The following CAMK1D variants were observed in gnomAD, a reference collection of about 807,000 sequenced individuals.
CAMK1D encodes the protein calcium/calmodulin-dependent protein kinase type 1D.
A neutral mutation model predicts 47.7 loss-of-function variants in CAMK1D; 9 were observed. The observed-to-expected ratio is 0.19, with a 90% CI of 0.11 to 0.33. The LOEUF (loss-of-function observed/expected upper bound fraction) is 0.33. CAMK1D is among the 10% of genes least tolerant of loss of function. The probability of loss-of-function intolerance (pLI) is 1.00; values close to 1 mark genes in which losing one functional copy is unlikely to be tolerated. For missense variants in CAMK1D, 291 were observed against 488.7 expected, an observed-to-expected ratio of 0.60 and a Z score of 3.81; for synonymous variants, 184 against 184.9, an observed-to-expected ratio of 0.99 and a Z score of 0.04.
At chr10:12,746,384 G>A (rs1835682816) in intron 3 of CAMK1D, among the ~76,000 whole-genome samples, 1 of 145,256 alleles carries the variant, frequency 6.9e-6, no homozygotes, top group African/African-American at 2.7e-5. Context: ...AAAAAAGTTA[G>A]TGAATCTCAA....
chr10:12,469,536 A>G (rs542352077), intron 1 of CAMK1D, among the ~76,000 whole-genome samples: 2 of 152,068 alleles, frequency 1.3e-5, no homozygotes, highest in South Asian at 2.1e-4. Context: ...CAAATAAACA[A>G]CCCACCTTCC....
chr10:12,470,634 A>G (rs1833718183), intron 1 of CAMK1D, among the ~76,000 whole-genome samples: 1 of 151,462 alleles, frequency 6.6e-6, no homozygotes, highest in African/African-American at 2.4e-5. Flanking sequence ...CTGCTGCCTC[A>G]GCCTCCCGAG....
At chr10:12,669,029 C>T (rs1290217883) in intron 3 of CAMK1D, among the ~76,000 whole-genome samples, 9 of 152,218 alleles carry the variant, frequency 5.9e-5, no homozygotes, top group Non-Finnish European at 1.3e-4. Context: ...GTCAGGAGTT[C>T]GAGACCAGCC....
In CAMK1D at chr10:12,386,472, C is replaced by CA. The variant is rs201680749; in HGVS notation, c.92+36576dup. Among the ~76,000 whole-genome samples, 302 of 126,226 alleles carry CA rather than the reference C, an allele frequency of 2.4e-3. 1 individual carries two copies. Among genetic ancestry groups the CA allele is most frequent in the East Asian group, 8.0e-3 (35 of 4,388 alleles). 82.8% of individuals were successfully genotyped at this position (126,226 alleles called of 152,430 possible). A position where few individuals can be genotyped will look rare whatever the true frequency, so the allele number is the denominator to read the frequency against. On this transcript the variant is annotated intron_variant, in intron 1 of 10. Coordinates refer to ENST00000619168, the MANE Select transcript of CAMK1D (RefSeq NM_153498.4). ...AAAAACAAAACCAAAAACCCTGTCT[C>CA]AAAAAAAAAAAAAATGAAACTGCTA... is the stretch of plus-strand genomic sequence containing the variant.
chr10:12,418,451 T>C (rs2801481), intron 1 of CAMK1D, among the ~76,000 whole-genome samples: 3,109 of 152,100 alleles, frequency 0.02, 112 homozygotes, highest in African/African-American at 0.071. Context: ...ACAAAAAATT[T>C]TAAAGAATTA....
chr10:12,539,880 C>T (rs558831870), intron 1 of CAMK1D, among the ~76,000 whole-genome samples: 1 of 152,190 alleles, frequency 6.6e-6, no homozygotes, highest in Admixed American at 6.5e-5. Context: ...GCTTTTTAAG[C>T]TGTAGCTATG....
rs367970808 is a variant in CAMK1D at position 12,747,139 on chromosome 10, C to A, written c.300-13809C>A. Among the ~76,000 whole-genome samples the A allele has an allele frequency of 2.6e-5, 4 of 152,290 alleles. No homozygotes were observed. The East Asian group carries it at 7.7e-4, about 29-fold the overall frequency. On this transcript the variant is annotated intron_variant, in intron 3 of 10. Transcript: ENST00000619168. Reference sequence around the variant, plus strand: ...CTCCATCTCCTGGGTTCAAGCGATTCTCCTGCCTCAGCTTCCCGAGTAGCT... The same window carrying A: ...CTCCATCTCCTGGGTTCAAGCGATTATCCTGCCTCAGCTTCCCGAGTAGCT...
At chr10:12,502,652 A>G (rs1002340862) in intron 1 of CAMK1D, among the ~76,000 whole-genome samples, 4 of 152,218 alleles carry the variant, frequency 2.6e-5, no homozygotes, top group Admixed American at 6.5e-5. Flanking sequence ...GGGCCCTCGG[A>G]CACCAGGATG....
In CAMK1D at chr10:12,683,088, AT is replaced by A. The variant is rs63493960; in HGVS notation, c.299+16294del. 9.9e-4 allele frequency among the ~76,000 whole-genome samples: 133 copies of A among 134,846 alleles called. 1 individual carries two copies. The highest frequency in any genetic ancestry group is 7.8e-3 in the Middle Eastern group (2 of 258). The allele number at this position is 134,846 out of a possible 152,430, so 88.5% of individuals were successfully genotyped here. Reference sequence around the variant, plus strand: ...AGGTGCATGCCACCTCACCCAGCTAATTTTTTTTTTTTTTTTGAGATGGAGT... The same window carrying A: ...AGGTGCATGCCACCTCACCCAGCTAATTTTTTTTTTTTTTTGAGATGGAGT... On this transcript the variant is annotated intron_variant, in intron 3 of 10. Transcript: ENST00000619168.
chr10:12,467,293 C>T (rs1194701141), intron 1 of CAMK1D, among the ~76,000 whole-genome samples: 2 of 152,094 alleles, frequency 1.3e-5, no homozygotes, highest in Non-Finnish European at 2.9e-5. Flanking sequence ...GCTGGGATTA[C>T]AGGTAGCTGC....
intron 2 of CAMK1D, among the ~76,000 whole-genome samples, chr10:12,640,424 C>T (rs1243581158): frequency 6.6e-6 from 1 of 152,118 alleles, no homozygotes; most frequent in African/African-American, 2.4e-5. Flanking sequence ...CACAGGTAGG[C>T]CCTTGATAAG....
chr10:12,728,464 C>T (rs997991852), intron 3 of CAMK1D, among the ~76,000 whole-genome samples: 1 of 152,156 alleles, frequency 6.6e-6, no homozygotes, highest in African/African-American at 2.4e-5. Flanking sequence ...CAAAGTAACC[C>T]GTTATTGTGC....
At chr10:12,804,937 C>CAAAAAAAA (rs145584740) in intron 6 of CAMK1D, among the ~76,000 whole-genome samples, 1 of 51,056 alleles carries the variant, frequency 2.0e-5, no homozygotes, top group African/African-American at 8.3e-5. Flanking sequence ...GACCCTGTCT[C>CAAAAAAAA]AAAAAAAAAA....
chr10:12,817,940 C>T (rs185452655), intron 8 of CAMK1D, among the ~76,000 whole-genome samples: 25 of 152,184 alleles, frequency 1.6e-4, no homozygotes, highest in African/African-American at 5.3e-4. Flanking sequence ...CCACCTGTTT[C>T]GGCCTCCCAA....
At chr10:12,501,475 G>A (rs968594556) in intron 1 of CAMK1D, among the ~76,000 whole-genome samples, 3 of 152,210 alleles carry the variant, frequency 2.0e-5, no homozygotes, top group Admixed American at 1.3e-4. Flanking sequence ...CTCACCATGT[G>A]CTCATTCCTG....
At chr10:12,594,376 G>A (rs1337546493) in intron 2 of CAMK1D, among the ~76,000 whole-genome samples, 1 of 152,214 alleles carries the variant, frequency 6.6e-6, no homozygotes, top group African/African-American at 2.4e-5. Flanking sequence ...CCACGTTTAA[G>A]CCTATAGGTG....
chr10:12,436,205 C>CA lies in CAMK1D; in HGVS notation c.92+86295_92+86296insA, dbSNP rs1431190366. Among the ~76,000 whole-genome samples the CA allele has an allele frequency of 2.0e-5, 3 of 152,304 alleles. No homozygotes were observed. The East Asian group carries it at 5.8e-4, about 29-fold the overall frequency. On this transcript the variant is annotated intron_variant, in intron 1 of 10. Coordinates refer to ENST00000619168, the MANE Select transcript of CAMK1D (RefSeq NM_153498.4). ...ACTCTGGTTCCTTGGTCTTCCTCTT[C>CA]CACGTACAGGCTTCACATGTGTGCC...
intron 5 of CAMK1D, among the ~76,000 whole-genome samples, chr10:12,782,981 GTTT>G (rs869155068): frequency 1.8e-4 from 24 of 134,934 alleles, no homozygotes; most frequent in African/African-American, 5.8e-4. Context: ...AGTATTTTCA[GTTT>G]TTTTTTTTTT....
Position 12,502,250 on chromosome 10 carries a change from G to A in CAMK1D, c.93-50975G>A, listed in dbSNP as rs79423964. ...GCAGAGCTTTAGGAAGGTATTCAAT[G>A]GTGCTGGGCAAGATGGGGCAGAGAA... On this transcript the variant is annotated intron_variant, in intron 1 of 10. Coordinates refer to ENST00000619168, the MANE Select transcript of CAMK1D (RefSeq NM_153498.4). Among the ~76,000 whole-genome samples, 13 of 152,284 alleles carry A rather than the reference G, an allele frequency of 8.5e-5. 1 individual carries two copies. In the East Asian group the frequency reaches 2.5e-3, roughly 29 times the overall value.
Sources: allele counts gnomAD v4.1 joint callset (sites outside exome capture counted in the v4.1 genomes callset), GRCh38; gene constraint gnomAD v4.1.1; transcripts MANE v1.5; gene names NCBI Gene and HGNC (gene_info 2026-07-23, HGNC 2026-07-21).